Variants in KLF12 observed in about 807,000 individuals in gnomAD.
KLF12 encodes KLF transcription factor 12.
KLF12 carries 9 observed loss-of-function variants against 37.8 expected under a neutral mutation model. The ratio of observed to expected loss-of-function variants is 0.24; its 90% CI spans 0.14 to 0.42. The LOEUF is 0.42. KLF12 is among the 10% of genes least tolerant of loss of function. KLF12 has a pLI of 1.00. For missense variants in KLF12, 411 were observed against 516.0 expected (o/e 0.80, Z 1.97); for synonymous variants, 208 against 202.1 (o/e 1.03, Z -0.25).
intron 1 of KLF12, among the ~76,000 whole-genome samples, chr13:74,029,455 T>A (rs1056999299): frequency 2.6e-5 from 4 of 152,142 alleles, no homozygotes; most frequent in Admixed American, 2.6e-4. Flanking sequence ...GGTACAGGCA[T>A]GTTATCTGGT....
the KLF12 span, among the ~76,000 whole-genome samples, chr13:74,262,166 A>T: frequency 6.6e-6 from 1 of 151,372 alleles, no homozygotes; most frequent in Non-Finnish European, 1.5e-5. Flanking sequence ...CATGTTTAAT[A>T]TTGACTTGAG....
chr13:73,815,633 T>G (rs1297879257), intron 4 of KLF12, among the ~76,000 whole-genome samples: 1 of 152,212 alleles, frequency 6.6e-6, no homozygotes, highest in African/African-American at 2.4e-5. Context: ...TGGTGTTGCA[T>G]ACACCTGTAA....
At chr13:73,897,456 C>T (rs1887839029) in intron 3 of KLF12, among the ~76,000 whole-genome samples, 1 of 152,156 alleles carries the variant, frequency 6.6e-6, no homozygotes, top group East Asian at 1.9e-4. Flanking sequence ...ATCAGCTCCC[C>T]CATCCGAATC....
chr13:73,994,071 C>A (rs1262450525), intron 2 of KLF12, among the ~76,000 whole-genome samples: 2 of 152,128 alleles, frequency 1.3e-5, no homozygotes, highest in Non-Finnish European at 2.9e-5. Context: ...TTTACAAATA[C>A]TAGAAAGGAG....
At chr13:74,284,102 C>T in the KLF12 span, among the ~76,000 whole-genome samples, 1 of 152,104 alleles carries the variant, frequency 6.6e-6, no homozygotes, top group Admixed American at 6.6e-5. Context: ...TGTGATCCAC[C>T]TGCCTCGGCC....
intron 2 of KLF12, 65 bp downstream of exon 2, chr13:73,994,925 C>T: frequency 9.1e-7 from 1 of 1,097,872 alleles, no homozygotes; most frequent in Middle Eastern, 2.0e-4. Flanking sequence ...TGAGAATAAA[C>T]TGCCCAAAAG....
intron 7 of KLF12, among the ~76,000 whole-genome samples, chr13:73,710,403 TGTGTGTGTG>T: frequency 6.6e-6 from 1 of 151,798 alleles, no homozygotes; most frequent in South Asian, 2.1e-4. Context: ...TGTGTGTGTG[TGTGTGTGTG>T]TGTGTGTTTA....
intron 1 of KLF12, among the ~76,000 whole-genome samples, chr13:74,123,719 T>G (rs4885151): frequency 0.54 from 82,724 of 152,136 alleles, 27,568 homozygotes; most frequent in East Asian, 0.89. Context: ...GCATTTCATA[T>G]GAGCTAGACA....
chr13:73,935,151 T>G (rs887772955), intron 3 of KLF12, among the ~76,000 whole-genome samples: 13 of 151,618 alleles, frequency 8.6e-5, no homozygotes, highest in African/African-American at 2.7e-4. Context: ...GGCTAATTTT[T>G]GTATTTTTTT....
At chr13:74,264,623 G>A in the KLF12 span, among the ~76,000 whole-genome samples, 1 of 152,090 alleles carries the variant, frequency 6.6e-6, no homozygotes, top group Admixed American at 6.6e-5. Context: ...GTTGGAAGAG[G>A]CAGTCCTTCC....
At position 73,997,343 on chromosome 13, in the gene KLF12, T is replaced by C. The variant is rs551512521; in HGVS notation, c.-31-2290A>G. 3.3e-5 allele frequency among the ~76,000 whole-genome samples: 5 copies of C among 152,264 alleles called. No individual in the cohort carries two copies. In the South Asian group the frequency reaches 8.3e-4, roughly 25 times the overall value. ...GAAGCAAGGATAATAATAATAATAA[T>C]ACCTGCTTTATATACTTGCCTACTC... is the stretch of plus-strand genomic sequence containing the variant. On this transcript the variant is annotated intron_variant, in intron 1 of 7. Coordinates refer to ENST00000377669, the MANE Select transcript of KLF12 (RefSeq NM_007249.5).
chr13:73,865,101 C>T (rs9530253), intron 3 of KLF12, among the ~76,000 whole-genome samples: 30,304 of 152,002 alleles, frequency 0.2, 3,194 homozygotes, highest in South Asian at 0.24. Flanking sequence ...ATGTTAAGGT[C>T]AACTTGATTG....
At chr13:73,900,085 A>T (rs745557190) in intron 3 of KLF12, among the ~76,000 whole-genome samples, 1 of 152,238 alleles carries the variant, frequency 6.6e-6, no homozygotes, top group Non-Finnish European at 1.5e-5. Context: ...GTCAATAAAG[A>T]AAAGGAAGAT....
At chr13:74,209,522 T>TCTCA in the KLF12 span, among the ~76,000 whole-genome samples, 3 of 145,890 alleles carry the variant, frequency 2.1e-5, no homozygotes, top group African/African-American at 5.1e-5. Context: ...AACATCTTAG[T>TCTCA]CACACACACA....
the KLF12 span, among the ~76,000 whole-genome samples, chr13:74,214,174 T>C: frequency 2.0e-5 from 3 of 152,318 alleles, no homozygotes; most frequent in South Asian, 6.2e-4. Context: ...TTCCAACTGA[T>C]CAATAAGACA....
At chr13:74,173,919 C>G in the KLF12 span, among the ~76,000 whole-genome samples, 1 of 152,148 alleles carries the variant, frequency 6.6e-6, no homozygotes, top group Non-Finnish European at 1.5e-5. Context: ...TGTTTATTAA[C>G]CTTGGCCTTT....
chr13:74,174,351 G>A, the KLF12 span, among the ~76,000 whole-genome samples: 10 of 51,888 alleles, frequency 1.9e-4, no homozygotes, highest in Admixed American at 6.8e-4. Flanking sequence ...TTTTTTTTTT[G>A]AGATGGAGTC....
chr13:74,283,546 A>G, the KLF12 span, among the ~76,000 whole-genome samples: 2 of 152,196 alleles, frequency 1.3e-5, no homozygotes, highest in African/African-American at 4.8e-5. Context: ...AGGGATTTTG[A>G]GCTTTTCCTA....
intron 3 of KLF12, among the ~76,000 whole-genome samples, chr13:73,881,450 T>C (rs944779331): frequency 1.4e-4 from 22 of 152,100 alleles, no homozygotes; most frequent in African/African-American, 5.1e-4. Flanking sequence ...TCTGCTAACT[T>C]ATAAATATTA....
Sources: gnomAD v4.1 joint callset for allele counts (sites outside exome capture counted in the v4.1 genomes callset) on GRCh38, gnomAD v4.1.1 for gene constraint, MANE v1.5 for transcripts, NCBI Gene and HGNC (gene_info 2026-07-23, HGNC 2026-07-21) for gene names.